The following ADGRB3 variants were observed in gnomAD, a reference collection of about 807,000 sequenced individuals.
ADGRB3 encodes adhesion G protein-coupled receptor B3.
A neutral mutation model predicts 193.4 loss-of-function variants in ADGRB3; 37 were observed. The ratio of observed to expected loss-of-function variants is 0.19; its 90% CI spans 0.15 to 0.25. The LOEUF is 0.25. Ranked by LOEUF, ADGRB3 falls within the 10% of genes least tolerant of loss-of-function variation. The pLI is 1.00. For missense variants in ADGRB3, 1,637 were observed against 1,852.9 expected (o/e 0.88, Z 2.14); for synonymous variants, 690 against 644.2 (o/e 1.07, Z -1.08).
chr6:69,375,040 A>G (rs1276476062), intron 30 of ADGRB3, among the ~76,000 whole-genome samples: 1 of 152,140 alleles, frequency 6.6e-6, no homozygotes, highest in East Asian at 1.9e-4. Flanking sequence ...GGCATTCTTA[A>G]GAAACAACAG....
At chr6:68,765,299 T>C (rs561555001) in intron 3 of ADGRB3, among the ~76,000 whole-genome samples, 2 of 152,210 alleles carry the variant, frequency 1.3e-5, no homozygotes, top group East Asian at 3.9e-4. Context: ...TTATTTCAGG[T>C]CTGTCTGTTT....
intron 3 of ADGRB3, among the ~76,000 whole-genome samples, chr6:68,757,795 A>C (rs1766324583): frequency 6.6e-6 from 1 of 152,090 alleles, no homozygotes; most frequent in East Asian, 1.9e-4. Context: ...AGGGCTTACC[A>C]CCAATGTTTC....
At chr6:68,672,080 T>C (rs1271337409) in intron 3 of ADGRB3, among the ~76,000 whole-genome samples, 1 of 152,044 alleles carries the variant, frequency 6.6e-6, no homozygotes, top group Non-Finnish European at 1.5e-5. Flanking sequence ...ACTAATGATC[T>C]TTTGAATTTC....
At chr6:69,067,998 C>T (rs1771956904) in intron 16 of ADGRB3, among the ~76,000 whole-genome samples, 1 of 152,136 alleles carries the variant, frequency 6.6e-6, no homozygotes, top group Non-Finnish European at 1.5e-5. Context: ...GCCATAATGG[C>T]TTCTGTCACA....
chr6:69,263,789 A>T (rs1011711351), intron 20 of ADGRB3, among the ~76,000 whole-genome samples: 3 of 151,982 alleles, frequency 2.0e-5, no homozygotes, highest in Non-Finnish European at 4.4e-5. Context: ...GGGAGTCTTA[A>T]TGATTAACTT....
At chr6:69,232,167 A>G (rs1766154154) in intron 17 of ADGRB3, among the ~76,000 whole-genome samples, 1 of 152,226 alleles carries the variant, frequency 6.6e-6, no homozygotes, top group Non-Finnish European at 1.5e-5. Context: ...CAGGTTTGCT[A>G]GCTGGATAAT....
rs541232910 is a variant in ADGRB3, at chr6:68,647,752, C to G, written c.757+8320C>G. 2.0e-5 allele frequency among the ~76,000 whole-genome samples: 3 copies of G among 152,190 alleles called. No homozygotes were observed. The South Asian group carries it at 6.2e-4, about 32-fold the overall frequency. On this transcript the variant is annotated intron_variant, in intron 3 of 31. Transcript: ENST00000370598. Reference sequence around the variant, plus strand: ...TTAAATGATTTCCGACTATTTTAATCTTTGCTGGATTCTGCAAAATGAGGT... The same window carrying G: ...TTAAATGATTTCCGACTATTTTAATGTTTGCTGGATTCTGCAAAATGAGGT...
At chr6:68,641,337 G>C (rs1218804307) in intron 3 of ADGRB3, among the ~76,000 whole-genome samples, 1 of 152,096 alleles carries the variant, frequency 6.6e-6, no homozygotes, top group Non-Finnish European at 1.5e-5. Flanking sequence ...TTAAGATAAT[G>C]CTGGGATTTA....
chr6:69,214,981 A>G (rs1765746275), intron 17 of ADGRB3, among the ~76,000 whole-genome samples: 1 of 152,108 alleles, frequency 6.6e-6, no homozygotes, highest in African/African-American at 2.4e-5. Context: ...AAGGCAAAAC[A>G]TCACTCTCCA....
intron 23 of ADGRB3, 22 bp downstream of exon 23, chr6:69,330,594 T>C (rs1450017566): frequency 1.3e-6 from 2 of 1,579,856 alleles, no homozygotes; most frequent in African/African-American, 2.7e-5. Flanking sequence ...AATCAACCTA[T>C]TTTGTTTTCT....
chr6:68,678,704 G>T (rs1033038753), intron 3 of ADGRB3, among the ~76,000 whole-genome samples: 1 of 152,104 alleles, frequency 6.6e-6, no homozygotes, highest in Admixed American at 6.5e-5. Flanking sequence ...ATCTATTTGT[G>T]TGTGTGTGTG....
intron 10 of ADGRB3, among the ~76,000 whole-genome samples, chr6:68,981,710 T>G (rs898322779): frequency 4.6e-5 from 7 of 151,492 alleles, no homozygotes; most frequent in Non-Finnish European, 1.0e-4. Context: ...GCAAAACTTA[T>G]ACAAAAACAA....
At chr6:68,890,603 T>G (rs1239230533) in intron 3 of ADGRB3, among the ~76,000 whole-genome samples, 1 of 152,228 alleles carries the variant, frequency 6.6e-6, no homozygotes, top group African/African-American at 2.4e-5. Context: ...GATATAAATT[T>G]GTGTACACTA....
rs141791467 is a variant in ADGRB3, at chr6:69,224,149, G to A, written c.2481-9141G>A. ...TTTTTTCATGTGTATTTTTCTAAAT[G>A]TATCATATTTGAGATTAATCATTTT... On this transcript the variant is annotated intron_variant, in intron 17 of 31. Transcript: ENST00000370598. Among the ~76,000 whole-genome samples, 185 of 151,834 alleles carry A rather than the reference G, an allele frequency of 1.2e-3. 1 individual carries two copies. Among genetic ancestry groups the A allele is most frequent in the African/African-American group, 3.8e-3 (157 of 41,388 alleles).
intron 17 of ADGRB3, among the ~76,000 whole-genome samples, chr6:69,112,506 G>A (rs1001324232): frequency 1.3e-5 from 2 of 151,928 alleles, no homozygotes; most frequent in Non-Finnish European, 2.9e-5. Context: ...AGTTAGGTAC[G>A]CTTCACAAGC....
chr6:68,931,217 A>G (rs1767328775), intron 4 of ADGRB3, among the ~76,000 whole-genome samples: 1 of 151,910 alleles, frequency 6.6e-6, no homozygotes, highest in Admixed American at 6.6e-5. Context: ...GGTGTAACAC[A>G]CTCCATCTAA....
At chr6:68,765,173 A>G (rs1274177560) in intron 3 of ADGRB3, among the ~76,000 whole-genome samples, 1 of 152,000 alleles carries the variant, frequency 6.6e-6, no homozygotes, top group Non-Finnish European at 1.5e-5. Flanking sequence ...CTTTATTTTT[A>G]CTATCTTTTT....
chr6:69,180,886 A>T (rs1016858418), intron 17 of ADGRB3, among the ~76,000 whole-genome samples: 1 of 152,208 alleles, frequency 6.6e-6, no homozygotes, highest in African/African-American at 2.4e-5. Context: ...CCCCGGGATT[A>T]AAAATGGCGT....
chr6:68,929,286 A>G (rs1937475630), intron 3 of ADGRB3, among the ~76,000 whole-genome samples: 1 of 152,134 alleles, frequency 6.6e-6, no homozygotes, highest in Non-Finnish European at 1.5e-5. Flanking sequence ...AAAAACAAAC[A>G]CACATTTAGA....
Sources: allele counts gnomAD v4.1 joint callset (sites outside exome capture counted in the v4.1 genomes callset), GRCh38; gene constraint gnomAD v4.1.1; transcripts MANE v1.5; gene names NCBI Gene and HGNC (gene_info 2026-07-23, HGNC 2026-07-21).